Variants in CADPS2 observed in about 807,000 individuals in gnomAD.
CADPS2 encodes the protein calcium-dependent secretion activator 2.
CADPS2 carries 93 observed loss-of-function variants against 172.5 expected under a neutral mutation model. That is an observed-to-expected ratio of 0.54 (90% CI 0.46 to 0.64). The LOEUF is 0.64. Ranked by LOEUF, CADPS2 falls within the 30% of genes least tolerant of loss-of-function variation. CADPS2 has a pLI of 0.00. For synonymous variants in CADPS2, 546 were observed against 555.2 expected, an observed-to-expected ratio of 0.98 and a Z score of 0.23; for missense variants, 1,420 against 1,565.9, an observed-to-expected ratio of 0.91 and a Z score of 1.57.
At chr7:122,565,244 AC>A (rs2066306344) in intron 7 of CADPS2, among the ~76,000 whole-genome samples, 2 of 151,384 alleles carry the variant, frequency 1.3e-5, no homozygotes, top group South Asian at 2.1e-4. Flanking sequence ...AAAAAAAAAA[AC>A]TTCCCAATTT....
At chr7:122,647,150 A>G (rs544970454) in intron 3 of CADPS2, among the ~76,000 whole-genome samples, 41 of 152,270 alleles carry the variant, frequency 2.7e-4, no homozygotes, top group African/African-American at 9.4e-4. Context: ...CTACCTAAAA[A>G]AGGTGGATAG....
At chr7:122,631,690 TTTTC>T (rs1480373067) in intron 3 of CADPS2, among the ~76,000 whole-genome samples, 7 of 104,990 alleles carry the variant, frequency 6.7e-5, no homozygotes, top group South Asian at 4.1e-4. Context: ...CTACATTGTC[TTTTC>T]TTTTTTTTTT....
At chr7:122,660,176 T>A (rs2080361160) in intron 3 of CADPS2, among the ~76,000 whole-genome samples, 1 of 152,104 alleles carries the variant, frequency 6.6e-6, no homozygotes, top group African/African-American at 2.4e-5. Context: ...AAAGAATATA[T>A]TGGGGGTTAT....
At chr7:122,476,626 A>G (rs1290175200) in intron 12 of CADPS2, among the ~76,000 whole-genome samples, 1 of 152,200 alleles carries the variant, frequency 6.6e-6, no homozygotes, top group African/African-American at 2.4e-5. Context: ...GATAAAAATG[A>G]TATTAATGAT....
chr7:122,543,148 G>A (rs1270648810), intron 8 of CADPS2, among the ~76,000 whole-genome samples: 4 of 151,964 alleles, frequency 2.6e-5, no homozygotes, highest in African/African-American at 7.2e-5. Flanking sequence ...TAGATTCTGT[G>A]AACCCCTTAT....
chr7:122,401,508 TTATC>T (rs2045952843), intron 20 of CADPS2, among the ~76,000 whole-genome samples: 1 of 152,230 alleles, frequency 6.6e-6, no homozygotes, highest in Non-Finnish European at 1.5e-5. Context: ...GTCACTTGCC[TTATC>T]TATTATTGAC....
chr7:122,442,750 T>C (rs980385371), intron 15 of CADPS2, among the ~76,000 whole-genome samples: 4 of 152,148 alleles, frequency 2.6e-5, no homozygotes, highest in African/African-American at 7.2e-5. Context: ...CTCACACAGA[T>C]GCAAATAAAT....
At chr7:122,659,998 G>T (rs1170302382) in intron 3 of CADPS2, among the ~76,000 whole-genome samples, 1 of 152,134 alleles carries the variant, frequency 6.6e-6, no homozygotes, top group Non-Finnish European at 1.5e-5. Flanking sequence ...TACAAGACAT[G>T]ATAAAAGTTC....
intron 16 of CADPS2, 87 bp from the exon 17 acceptor site, chr7:122,438,551 A>T (rs2050954013): frequency 7.0e-7 from 1 of 1,434,392 alleles, no homozygotes; most frequent in Non-Finnish European, 9.6e-7. Flanking sequence ...TAAAATAAAT[A>T]CTAAAGACAA....
intron 1 of CADPS2, among the ~76,000 whole-genome samples, chr7:122,760,608 T>C (rs900263903): frequency 2.0e-5 from 3 of 151,894 alleles, no homozygotes; most frequent in Non-Finnish European, 4.4e-5. Flanking sequence ...GTGGCACATA[T>C]ACACCATGGA....
intron 2 of CADPS2, among the ~76,000 whole-genome samples, chr7:122,713,227 CGTTA>C (rs56027633): frequency 0.012 from 1,818 of 152,158 alleles, 18 homozygotes; most frequent in South Asian, 0.023. Context: ...TCTTAAGTCT[CGTTA>C]GTTTTACCAG....
chr7:122,379,188 AG>A, intron 25 of CADPS2, 179 bp downstream of exon 25: 1 of 447,176 alleles, frequency 2.2e-6, no homozygotes, highest in South Asian at 3.7e-5. Context: ...AAAAAACAAA[AG>A]CTGTTGACAT....
At chr7:122,527,352 C>G (rs1299574097) in intron 8 of CADPS2, among the ~76,000 whole-genome samples, 1 of 149,778 alleles carries the variant, frequency 6.7e-6, no homozygotes, top group East Asian at 2.0e-4. Context: ...CAAAATGGAA[C>G]AGAATATATT....
chr7:122,794,384 GTC>G (rs1795923054), intron 1 of CADPS2, among the ~76,000 whole-genome samples: 2 of 151,404 alleles, frequency 1.3e-5, no homozygotes, highest in Admixed American at 6.6e-5. Context: ...CCTCCACCTG[GTC>G]TGTTTTGATA....
intron 2 of CADPS2, among the ~76,000 whole-genome samples, chr7:122,667,363 CAG>C (rs2081291242): frequency 6.6e-6 from 1 of 152,174 alleles, no homozygotes; most frequent in African/African-American, 2.4e-5. Flanking sequence ...CTAACAGAGT[CAG>C]AGCTAGATTC....
At chr7:122,598,800 T>A (rs1299961926) in intron 6 of CADPS2, among the ~76,000 whole-genome samples, 1 of 152,124 alleles carries the variant, frequency 6.6e-6, no homozygotes, top group Non-Finnish European at 1.5e-5. Flanking sequence ...TAAAGGTTAG[T>A]TACAGAACCA....
At position 122,773,482 on chromosome 7, in the gene CADPS2, T is replaced by C. The variant is rs562250985; in HGVS notation, c.340-36414A>G. ...ACTTTAAAGATACCTTCGGAAAAGA[T>C]AGAAAAGATAAATGGATCACTTTAA... On this transcript the variant is annotated intron_variant, in intron 1 of 29. Transcript: ENST00000449022. Among the ~76,000 whole-genome samples, 16 of 152,070 alleles carry C rather than the reference T, an allele frequency of 1.1e-4. No homozygotes were observed. The East Asian group carries it at 1.2e-3, about 11-fold the overall frequency.
intron 8 of CADPS2, among the ~76,000 whole-genome samples, chr7:122,517,835 T>C (rs1361204614): frequency 2.0e-5 from 3 of 151,900 alleles, no homozygotes; most frequent in African/African-American, 4.8e-5. Flanking sequence ...ATGAGGAAAA[T>C]GGAGCGAAAA....
intron 27 of CADPS2, among the ~76,000 whole-genome samples, chr7:122,354,980 C>A (rs1029915852): frequency 6.6e-6 from 1 of 152,122 alleles, no homozygotes; most frequent in East Asian, 1.9e-4. Context: ...TGAAGAGGCA[C>A]GTGCCTGGAA....
Sources: gnomAD v4.1 joint callset for allele counts (sites outside exome capture counted in the v4.1 genomes callset) on GRCh38, gnomAD v4.1.1 for gene constraint, MANE v1.5 for transcripts, NCBI Gene and HGNC (gene_info 2026-07-23, HGNC 2026-07-21) for gene names.